The following GRM7 variants were observed in gnomAD, a reference collection of about 807,000 sequenced individuals.
GRM7 encodes glutamate metabotropic receptor 7.
In GRM7, 35 loss-of-function variants were observed where a neutral mutation model predicts 84.5. The observed-to-expected ratio is 0.41, with a 90% CI of 0.32 to 0.55. The LOEUF is 0.55. Among genes scored for constraint, GRM7 ranks in the 20% least tolerant of loss-of-function variants. The probability of loss-of-function intolerance (pLI) is 0.19; values close to 1 mark genes in which losing one functional copy is unlikely to be tolerated. For synonymous variants in GRM7, 487 were observed against 455.1 expected, an observed-to-expected ratio of 1.07 and a Z score of -0.89; for missense variants, 1,003 against 1,194.6, an observed-to-expected ratio of 0.84 and a Z score of 2.36.
intron 1 of GRM7, among the ~76,000 whole-genome samples, chr3:6,904,259 A>G (rs1696490759): frequency 6.6e-6 from 1 of 152,112 alleles, no homozygotes; most frequent in South Asian, 2.1e-4. Context: ...TTTGACATTT[A>G]GATATTAAAC....
intron 2 of GRM7, among the ~76,000 whole-genome samples, chr3:7,186,546 A>G (rs1363742652): frequency 2.6e-5 from 4 of 152,222 alleles, no homozygotes; most frequent in African/African-American, 9.6e-5. Context: ...AATTATTTGT[A>G]AAAATAAATA....
chr3:7,579,784 G>A (rs536098306), intron 8 of GRM7, among the ~76,000 whole-genome samples: 16 of 152,100 alleles, frequency 1.1e-4, no homozygotes, highest in Non-Finnish European at 1.6e-4. Flanking sequence ...ATGCTCTCTC[G>A]CTCTTCCAAG....
At chr3:7,398,202 A>G (rs1695293793) in intron 4 of GRM7, among the ~76,000 whole-genome samples, 2 of 152,192 alleles carry the variant, frequency 1.3e-5, no homozygotes, top group Admixed American at 1.3e-4. Context: ...CTTAGGAAAT[A>G]TGGCTCAGAA....
chr3:7,403,686 CATAT>C (rs199640104), intron 4 of GRM7, among the ~76,000 whole-genome samples: 2 of 143,890 alleles, frequency 1.4e-5, no homozygotes, highest in African/African-American at 5.0e-5. Context: ...TATATACACA[CATAT>C]ATATGTGTAT....
Position 7,592,248 on chromosome 3 carries a change from G to C in GRM7, c.2451+12891G>C, listed in dbSNP as rs77805163. 7.1e-3 allele frequency among the ~76,000 whole-genome samples: 1,080 copies of C among 152,068 alleles called. 10 individuals carry two copies. The highest frequency in any genetic ancestry group is 0.025 in the African/African-American group (1,027 of 41,480). ...TGAAATATAAGGAGAATATCAGACTGTGGCAAATATAAAAAAAAAAGCAGA... is the reference window on the plus strand; with the variant it reads ...TGAAATATAAGGAGAATATCAGACTCTGGCAAATATAAAAAAAAAAGCAGA... On this transcript the variant is annotated intron_variant, in intron 8 of 9. Coordinates refer to ENST00000357716, the MANE Select transcript of GRM7 (RefSeq NM_000844.4).
intron 1 of GRM7, among the ~76,000 whole-genome samples, chr3:6,889,701 G>T (rs1384890436): frequency 6.6e-6 from 1 of 151,952 alleles, no homozygotes. Context: ...CTCTTTTTTG[G>T]TTGTGTCTCT....
At chr3:7,579,738 G>A (rs1227170121) in intron 8 of GRM7, among the ~76,000 whole-genome samples, 2 of 152,286 alleles carry the variant, frequency 1.3e-5, no homozygotes, top group African/African-American at 2.4e-5. Context: ...TTCTCCAGGT[G>A]GGAGTGTGTG....
At chr3:7,679,913 T>C in intron 8 of GRM7, 136 bp from the exon 9 acceptor site, 1 of 731,812 alleles carries the variant, frequency 1.4e-6, no homozygotes, top group Non-Finnish European at 2.3e-6. Flanking sequence ...GTTATTGTGC[T>C]TTCCTTTATT....
At chr3:7,248,856 A>T (rs780425371) in intron 2 of GRM7, among the ~76,000 whole-genome samples, 1 of 152,192 alleles carries the variant, frequency 6.6e-6, no homozygotes, top group South Asian at 2.1e-4. Flanking sequence ...GTAGGTCACC[A>T]GTACAGGTAG....
intron 8 of GRM7, among the ~76,000 whole-genome samples, chr3:7,624,727 A>G (rs62235224): frequency 0.13 from 20,175 of 152,178 alleles, 1,543 homozygotes; most frequent in Non-Finnish European, 0.17. Flanking sequence ...GGTTCAATAA[A>G]CATTAGTTTA....
chr3:7,429,924 G>A (rs549969605), intron 5 of GRM7, among the ~76,000 whole-genome samples: 103 of 152,164 alleles, frequency 6.8e-4, no homozygotes, highest in African/African-American at 2.2e-3. Flanking sequence ...AACCACAAAA[G>A]AAAAATTATG....
At chr3:7,343,919 TG>T (rs57438545) in intron 4 of GRM7, among the ~76,000 whole-genome samples, 6,332 of 152,226 alleles carry the variant, frequency 0.042, 294 homozygotes, top group African/African-American at 0.12. Context: ...AAGTAGGGAA[TG>T]AGGCCCAGGA....
At chr3:7,055,608 C>T (rs1456889744) in intron 1 of GRM7, among the ~76,000 whole-genome samples, 1 of 151,534 alleles carries the variant, frequency 6.6e-6, no homozygotes, top group African/African-American at 2.4e-5. Flanking sequence ...GCAACCTCCA[C>T]CTCCCTGGAT....
chr3:7,023,855 G>A (rs1208894543), intron 1 of GRM7, among the ~76,000 whole-genome samples: 2 of 152,178 alleles, frequency 1.3e-5, no homozygotes, highest in South Asian at 2.1e-4. Context: ...ACAAGAGATT[G>A]TTTACATAAG....
chr3:6,922,057 C>T (rs543171641), intron 1 of GRM7, among the ~76,000 whole-genome samples: 1 of 152,334 alleles, frequency 6.6e-6, no homozygotes, highest in East Asian at 1.9e-4. Context: ...TCAATTCCCT[C>T]GCAAACATTT....
chr3:7,097,025 C>G (rs1698881801), intron 1 of GRM7, among the ~76,000 whole-genome samples: 2 of 152,086 alleles, frequency 1.3e-5, no homozygotes, highest in Admixed American at 1.3e-4. Context: ...ACACAAAATG[C>G]CTAAATATGA....
At chr3:7,451,931 A>G (rs1383358489) in intron 5 of GRM7, 1 of 152,410 alleles carries the variant, frequency 6.6e-6, no homozygotes, top group Non-Finnish European at 1.5e-5. Flanking sequence ...GTAGTTTGCA[A>G]AGGTGAACGT....
chr3:7,027,084 T>C (rs150214821), intron 1 of GRM7, among the ~76,000 whole-genome samples: 182 of 152,348 alleles, frequency 1.2e-3, no homozygotes, highest in African/African-American at 4.1e-3. Context: ...TTCCACCTCT[T>C]ATTGAAGTTA....
chr3:7,190,881 G>A (rs929846808), intron 2 of GRM7, among the ~76,000 whole-genome samples: 4 of 152,002 alleles, frequency 2.6e-5, no homozygotes, highest in African/African-American at 9.7e-5. Context: ...TCCCAGGTAT[G>A]AGAAATCCAT....
Sources: allele counts gnomAD v4.1 joint callset (sites outside exome capture counted in the v4.1 genomes callset), GRCh38; gene constraint gnomAD v4.1.1; transcripts MANE v1.5; gene names NCBI Gene and HGNC (gene_info 2026-07-23, HGNC 2026-07-21).